ERC2: variants seen among roughly 807,000 people sequenced by gnomAD.
ERC2 encodes the protein ELKS/RAB6-interacting/CAST family member 2.
In ERC2, 42 loss-of-function variants were observed where a neutral mutation model predicts 114.8. The ratio of observed to expected loss-of-function variants is 0.37; its 90% CI spans 0.29 to 0.47. The LOEUF (loss-of-function observed/expected upper bound fraction) is 0.47, where lower values mean the gene tolerates loss of function less well. Among genes scored for constraint, ERC2 ranks in the 20% least tolerant of loss-of-function variants. The probability of loss-of-function intolerance (pLI) is 0.99; values close to 1 mark genes in which losing one functional copy is unlikely to be tolerated. For synonymous variants in ERC2, 454 were observed against 425.5 expected (o/e 1.07, Z -0.82); for missense variants, 939 against 1,150.7 (o/e 0.82, Z 2.66).
chr3:55,842,702 T>C (rs947688225), intron 14 of ERC2, among the ~76,000 whole-genome samples: 4 of 149,502 alleles, frequency 2.7e-5, no homozygotes, highest in African/African-American at 1.0e-4. Context: ...AATTAACACA[T>C]AGACTCAGTT....
At position 55,760,691 on chromosome 3, in the gene ERC2, G is replaced by A. The variant is rs146523142; in HGVS notation, c.2565-25773C>T. ...CTTATCACTGAATCTGGCTTTCCAC[G>A]GGGTGTCTCTGCTAGTCTGCATGGA... is the stretch of plus-strand genomic sequence containing the variant. On this transcript the variant is annotated intron_variant, in intron 14 of 17. Coordinates refer to ENST00000288221, the MANE Select transcript of ERC2 (RefSeq NM_015576.3). Among the ~76,000 whole-genome samples the A allele has an allele frequency of 1.4e-3, 219 of 152,308 alleles. No individual in the cohort carries two copies. In the Middle Eastern group the frequency reaches 0.017, roughly 12 times the overall value.
At chr3:55,812,391 T>A (rs982045310) in intron 14 of ERC2, among the ~76,000 whole-genome samples, 1 of 152,216 alleles carries the variant, frequency 6.6e-6, no homozygotes, top group African/African-American at 2.4e-5. Context: ...TCCATTAATG[T>A]GATACTCAAA....
chr3:55,875,287 A>G (rs958770134), intron 14 of ERC2, among the ~76,000 whole-genome samples: 2 of 152,184 alleles, frequency 1.3e-5, no homozygotes, highest in Admixed American at 6.5e-5. Context: ...ACCAATTTCA[A>G]AATAGAGTGG....
intron 3 of ERC2, among the ~76,000 whole-genome samples, chr3:56,202,784 A>G (rs2048481390): frequency 6.6e-6 from 1 of 152,182 alleles, no homozygotes; most frequent in South Asian, 2.1e-4. Context: ...TTCAGTTATA[A>G]GATGAATAAG....
At chr3:55,765,691 T>G (rs1219879630) in intron 14 of ERC2, among the ~76,000 whole-genome samples, 1 of 152,162 alleles carries the variant, frequency 6.6e-6, no homozygotes, top group East Asian at 1.9e-4. Context: ...TATTACATCA[T>G]GCAGATACGA....
chr3:55,772,076 G>A (rs199930237), intron 14 of ERC2, among the ~76,000 whole-genome samples: 11 of 147,196 alleles, frequency 7.5e-5, no homozygotes, highest in African/African-American at 2.5e-4. Flanking sequence ...CATGCCCAAA[G>A]GTTAGTATGG....
At chr3:56,313,351 A>G (rs1302182054) in intron 2 of ERC2, among the ~76,000 whole-genome samples, 1 of 152,118 alleles carries the variant, frequency 6.6e-6, no homozygotes, top group Non-Finnish European at 1.5e-5. Context: ...TTTATGATAC[A>G]TGAATTATAT....
At chr3:56,003,165 C>A in intron 10 of ERC2, 1 of 1,284,108 alleles carries the variant, frequency 7.8e-7, no homozygotes, top group Non-Finnish European at 1.0e-6. Flanking sequence ...GGCATTGAGG[C>A]ACAGACAGGG....
At chr3:55,726,642 T>A (rs768144356) in intron 15 of ERC2, among the ~76,000 whole-genome samples, 1 of 152,256 alleles carries the variant, frequency 6.6e-6, no homozygotes, top group Non-Finnish European at 1.5e-5. Flanking sequence ...GACAGTCCTA[T>A]GATTTTCGGA....
intron 2 of ERC2, among the ~76,000 whole-genome samples, chr3:56,384,781 T>C (rs1025680090): frequency 6.6e-6 from 1 of 152,188 alleles, no homozygotes; most frequent in African/African-American, 2.4e-5. Context: ...CCAAATCTAA[T>C]GTCATAAATT....
At chr3:56,422,680 G>A (rs1297961258) in intron 2 of ERC2, among the ~76,000 whole-genome samples, 2 of 152,108 alleles carry the variant, frequency 1.3e-5, no homozygotes, top group Non-Finnish European at 2.9e-5. Flanking sequence ...TGGTTTTCAA[G>A]CAAGTTTGAT....
chr3:56,082,413 G>A (rs73091076), intron 6 of ERC2, among the ~76,000 whole-genome samples: 1,571 of 152,062 alleles, frequency 0.01, 19 homozygotes, highest in Middle Eastern at 0.024. Context: ...GGACTTTCCA[G>A]CCTCTGTAAC....
At chr3:55,880,610 A>G (rs972820106) in intron 14 of ERC2, among the ~76,000 whole-genome samples, 1 of 152,136 alleles carries the variant, frequency 6.6e-6, no homozygotes, top group Non-Finnish European at 1.5e-5. Flanking sequence ...AAGCTGCAAT[A>G]GGCTTTATCA....
intron 2 of ERC2, among the ~76,000 whole-genome samples, chr3:56,366,151 C>G (rs748290635): frequency 2.6e-5 from 4 of 152,222 alleles, no homozygotes; most frequent in Non-Finnish European, 5.9e-5. Flanking sequence ...AGATACTCTG[C>G]TTCTAGTTAG....
At chr3:56,159,504 C>A (rs112806060) in intron 4 of ERC2, among the ~76,000 whole-genome samples, 4 of 152,038 alleles carry the variant, frequency 2.6e-5, no homozygotes, top group Non-Finnish European at 5.9e-5. Context: ...GGTTATTTTG[C>A]GCTTTTTATC....
intron 5 of ERC2, among the ~76,000 whole-genome samples, chr3:56,145,526 C>A (rs1382488236): frequency 6.6e-6 from 1 of 152,188 alleles, no homozygotes; most frequent in East Asian, 1.9e-4. Context: ...CAGTTTGATT[C>A]CTCTAATCCT....
At chr3:55,747,894 T>C (rs2066412590) in intron 14 of ERC2, among the ~76,000 whole-genome samples, 1 of 152,268 alleles carries the variant, frequency 6.6e-6, no homozygotes, top group Non-Finnish European at 1.5e-5. Context: ...TCAGCTTATG[T>C]ATTCCTAAAT....
intron 14 of ERC2, among the ~76,000 whole-genome samples, chr3:55,875,724 A>ACACACACACTCTCT (rs1491351730): frequency 1.2e-4 from 17 of 141,024 alleles, no homozygotes; most frequent in African/African-American, 4.4e-4. Flanking sequence ...ACACACACAC[A>ACACACACACTCTCT]CTCTCTCTCT....
At chr3:55,559,897 G>A (rs946890538) in intron 17 of ERC2, among the ~76,000 whole-genome samples, 5 of 152,240 alleles carry the variant, frequency 3.3e-5, no homozygotes, top group South Asian at 4.1e-4. Context: ...AGCCCACAGC[G>A]TACGGATGGC....
Sources: gnomAD v4.1 joint callset for allele counts (sites outside exome capture counted in the v4.1 genomes callset) on GRCh38, gnomAD v4.1.1 for gene constraint, MANE v1.5 for transcripts, NCBI Gene and HGNC (gene_info 2026-07-23, HGNC 2026-07-21) for gene names.